The following ZNF44 variants were observed in gnomAD, a reference collection of about 807,000 sequenced individuals.
ZNF44 encodes zinc finger protein 44.
A neutral mutation model predicts 11.7 loss-of-function variants in ZNF44; 9 were observed. The ratio of observed to expected loss-of-function variants is 0.77; its 90% CI spans 0.46 to 1.35. The LOEUF (loss-of-function observed/expected upper bound fraction) is 1.35. Ranked by LOEUF, ZNF44 falls within the 40% of genes most tolerant of loss-of-function variation. The probability of loss-of-function intolerance (pLI) is 0.00; values close to 1 mark genes in which losing one functional copy is unlikely to be tolerated. For missense variants in ZNF44, 696 were observed against 743.1 expected, an observed-to-expected ratio of 0.94 and a Z score of 0.74; for synonymous variants, 224 against 242.7, an observed-to-expected ratio of 0.92 and a Z score of 0.72.
At chr19:12,248,219 CT>C in exon 8 of ZNF44, 3 of 1,306,046 alleles carry the variant, frequency 2.3e-6, no homozygotes, top group East Asian at 5.3e-5. Flanking sequence ...CAGTATGAGC[CT>C]TTTCATGTTT....
intron 1 of ZNF44, chr19:12,290,973 G>A (rs1024449440): frequency 4.8e-6 from 1 of 209,234 alleles, no homozygotes; most frequent in African/African-American, 2.4e-5. Flanking sequence ...AAAACTCCAT[G>A]TGTGATGAAT....
chr19:12,286,388 C>A (rs1187502360), intron 1 of ZNF44, among the ~76,000 whole-genome samples: 1 of 152,166 alleles, frequency 6.6e-6, no homozygotes, highest in Non-Finnish European at 1.5e-5. Flanking sequence ...GTAATCCCAG[C>A]ACTTTGGGAG....
At chr19:12,274,252 G>A (rs548540708) in intron 3 of ZNF44, among the ~76,000 whole-genome samples, 189 bp from the exon 4 acceptor site, 1 of 150,952 alleles carries the variant, frequency 6.6e-6, no homozygotes, top group African/African-American at 2.4e-5. Flanking sequence ...ATATGCACAT[G>A]GGGATTCTTA....
chr19:12,228,813 A>G (rs891205577), intron 3 of ZNF44, among the ~76,000 whole-genome samples: 1 of 152,216 alleles, frequency 6.6e-6, no homozygotes, highest in African/African-American at 2.4e-5. Context: ...CTTAGGATGT[A>G]GCTATTTTCA....
intron 1 of ZNF44, among the ~76,000 whole-genome samples, chr19:12,290,378 T>G (rs1599551662): frequency 2.6e-5 from 3 of 114,162 alleles, no homozygotes; most frequent in Non-Finnish European, 1.8e-5. Flanking sequence ...GCAACAAGAG[T>G]GAAACTCCGT....
intron 1 of ZNF44, chr19:12,284,585 C>G: frequency 1.4e-6 from 1 of 715,718 alleles, no homozygotes; most frequent in Non-Finnish European, 2.6e-6. Flanking sequence ...AATCTGAGAT[C>G]ATTGACTTGT....
intron 1 of ZNF44, among the ~76,000 whole-genome samples, chr19:12,292,224 C>T (rs1423274605): frequency 6.6e-6 from 1 of 151,390 alleles, no homozygotes; most frequent in Non-Finnish European, 1.5e-5. Context: ...GAGGCTGAGC[C>T]CAGGCAGTCT....
At chr19:12,284,758 GC>G (rs1967655189) in intron 1 of ZNF44, 1 of 842,524 alleles carries the variant, frequency 1.2e-6, no homozygotes, top group Non-Finnish European at 1.9e-6. Flanking sequence ...ACTGCCATCC[GC>G]GGGGCCATCA....
At chr19:12,243,914 T>A (rs1341238050), downstream of ZNF44, among the ~76,000 whole-genome samples, 1 of 152,228 alleles carries the variant, frequency 6.6e-6, no homozygotes, top group African/African-American at 2.4e-5. Context: ...TTAGTGATAT[T>A]AAGTCCCTTT....
chr19:12,268,402 G>A (rs1233124665), downstream of ZNF44, among the ~76,000 whole-genome samples: 3 of 152,112 alleles, frequency 2.0e-5, no homozygotes, highest in Admixed American at 6.5e-5. Flanking sequence ...GACCATAAAT[G>A]AAGATTATTT....
chr19:12,257,308 A>T (rs1038926912), intron 5 of ZNF44, among the ~76,000 whole-genome samples: 2 of 152,304 alleles, frequency 1.3e-5, no homozygotes, highest in South Asian at 4.1e-4. Flanking sequence ...GGTTGGGATT[A>T]CAGCAGTAAA....
intron 5 of ZNF44, among the ~76,000 whole-genome samples, chr19:12,253,028 T>C (rs1027747685): frequency 3.3e-5 from 5 of 151,564 alleles, no homozygotes; most frequent in Non-Finnish European, 5.9e-5. Flanking sequence ...GCTGGGACTA[T>C]GGGCGTGTGC....
At chr19:12,238,132 A>G (rs1916463791), upstream of ZNF44, 1 of 152,222 alleles carries the variant, frequency 6.6e-6, no homozygotes, top group Non-Finnish European at 1.5e-5. Context: ...AAAATGAAAT[A>G]TGCCAACAAG....
Position 12,252,092 on chromosome 19 carries a change from C to T in ZNF44, c.1913-1724G>A, listed in dbSNP as rs534683696. Among the ~76,000 whole-genome samples the T allele has an allele frequency of 6.5e-4, 98 of 150,532 alleles. 1 individual carries two copies. Among genetic ancestry groups the T allele is most frequent in the African/African-American group, 2.4e-3 (97 of 40,998 alleles). On this transcript the variant is annotated intron_variant and NMD_transcript_variant, in intron 5 of 7. Coordinates refer to the ZNF44 transcript ENST00000393337. ...CAGATTTGCAATTTACAATAAAGTG[C>T]ATTAAAGTCCACAATGATATGATGA... is the stretch of plus-strand genomic sequence containing the variant.
At chr19:12,241,539 CA>C (rs1432051011), upstream of ZNF44, among the ~76,000 whole-genome samples, 1 of 152,138 alleles carries the variant, frequency 6.6e-6, no homozygotes, top group Non-Finnish European at 1.5e-5. Flanking sequence ...ACTAAAAATA[CA>C]AAAAGTTAGC....
At chr19:12,224,832 G>A (rs1915850852), downstream of ZNF44, 1 of 152,142 alleles carries the variant, frequency 6.6e-6, no homozygotes, top group South Asian at 2.1e-4. Flanking sequence ...TTTCTGTGTG[G>A]GGGAGAAGTT....
At position 12,273,064 on chromosome 19, in the gene ZNF44, T is replaced by C. The variant is rs1345670159; in HGVS notation, c.1191A>G (p.Val397=). 6.2e-7 allele frequency: 1 copy of C among 1,613,716 alleles called. No homozygotes were observed. The highest frequency in any genetic ancestry group is 8.5e-7 in the Non-Finnish European group (1 of 1,179,884). ...HTGDGPHKCT[V]CGKAFDSPSV... ...TAGGAGAATCAAAGGCTTTCCCACA[T>C]ACTGTGCATTTATGAGGGCCATCTC... Residue 397 remains valine (V), a synonymous_variant, in exon 4 of 4, where the codon GTA becomes GTG. Coordinates refer to ENST00000355684, the MANE Select transcript of ZNF44 (RefSeq NM_016264.4).
chr19:12,256,975 T>C (rs1917289064), intron 5 of ZNF44, among the ~76,000 whole-genome samples: 1 of 152,124 alleles, frequency 6.6e-6, no homozygotes. Context: ...CCCACAGGTG[T>C]GGGATTACAG....
At chr19:12,274,912 G>T in intron 3 of ZNF44, 61 bp downstream of exon 3, 1 of 1,315,276 alleles carries the variant, frequency 7.6e-7, no homozygotes, top group Non-Finnish European at 1.1e-6. Flanking sequence ...CTTTTTAAAA[G>T]TTCTTGTCAT....
Sources: allele counts gnomAD v4.1 joint callset (sites outside exome capture counted in the v4.1 genomes callset), GRCh38; gene constraint gnomAD v4.1.1; transcripts MANE v1.5; gene names NCBI Gene and HGNC (gene_info 2026-07-23, HGNC 2026-07-21).